RABGAP1L: variants seen among roughly 807,000 people sequenced by gnomAD.
The protein encoded by RABGAP1L is rab GTPase-activating protein 1-like.
Under a neutral mutation model 137.7 loss-of-function variants are expected in RABGAP1L, and 63 were observed. The observed-to-expected ratio is 0.46, with a 90% CI of 0.37 to 0.56. The LOEUF (loss-of-function observed/expected upper bound fraction) is 0.56. Among genes scored for constraint, RABGAP1L ranks in the 20% least tolerant of loss-of-function variants. The probability of loss-of-function intolerance (pLI) is 0.00; values close to 1 mark genes in which losing one functional copy is unlikely to be tolerated. For synonymous variants in RABGAP1L, 431 were observed against 433.7 expected, an observed-to-expected ratio of 0.99 and a Z score of 0.08; for missense variants, 1,095 against 1,244.0, an observed-to-expected ratio of 0.88 and a Z score of 1.80.
intron 13 of RABGAP1L, among the ~76,000 whole-genome samples, chr1:174,619,295 A>C (rs536154808): frequency 6.6e-6 from 1 of 152,320 alleles, no homozygotes; most frequent in South Asian, 2.1e-4. Flanking sequence ...AGAATGCCAC[A>C]AAGATACTCC....
At chr1:174,295,064 G>A (rs1676991333) in intron 10 of RABGAP1L, among the ~76,000 whole-genome samples, 1 of 151,924 alleles carries the variant, frequency 6.6e-6, no homozygotes, top group Admixed American at 6.6e-5. Context: ...GACTACAGGT[G>A]CGTGCCACCA....
chr1:174,672,073 A>G (rs1020449807), intron 14 of RABGAP1L, among the ~76,000 whole-genome samples: 6 of 152,078 alleles, frequency 3.9e-5, no homozygotes, highest in African/African-American at 7.2e-5. Flanking sequence ...TTGCATATGT[A>G]CACAGATTTA....
intron 13 of RABGAP1L, among the ~76,000 whole-genome samples, chr1:174,417,453 C>T (rs1650735379): frequency 6.6e-6 from 1 of 152,150 alleles, no homozygotes; most frequent in Non-Finnish European, 1.5e-5. Flanking sequence ...TAGGTAGATG[C>T]AGTTCTACTG....
intron 12 of RABGAP1L, among the ~76,000 whole-genome samples, chr1:174,383,499 G>A (rs894789993): frequency 2.6e-5 from 4 of 152,330 alleles, no homozygotes; most frequent in East Asian, 1.9e-4. Context: ...GTGGTGCGCC[G>A]TTTTTTAAGC....
chr1:174,556,997 A>G (rs951289606), intron 13 of RABGAP1L, among the ~76,000 whole-genome samples: 3 of 152,162 alleles, frequency 2.0e-5, no homozygotes, highest in African/African-American at 2.4e-5. Context: ...TATCTCATCT[A>G]TATATACTCT....
intron 13 of RABGAP1L, among the ~76,000 whole-genome samples, chr1:174,449,588 G>A (rs1031064358): frequency 6.6e-6 from 1 of 152,184 alleles, no homozygotes; most frequent in African/African-American, 2.4e-5. Context: ...CTTTGTGGAA[G>A]TTATTACTTA....
intron 11 of RABGAP1L, among the ~76,000 whole-genome samples, chr1:174,345,003 T>C (rs966007827): frequency 6.6e-6 from 1 of 152,204 alleles, no homozygotes; most frequent in Non-Finnish European, 1.5e-5. Context: ...CCTCTGCATA[T>C]GGATATTCAA....
chr1:174,225,964 T>C (rs944380705), intron 3 of RABGAP1L, among the ~76,000 whole-genome samples: 1 of 152,108 alleles, frequency 6.6e-6, no homozygotes, highest in Non-Finnish European at 1.5e-5. Context: ...ATGCTTACAG[T>C]ACCACCGCGA....
At chr1:174,262,121 C>G (rs1673626214) in intron 7 of RABGAP1L, among the ~76,000 whole-genome samples, 1 of 152,136 alleles carries the variant, frequency 6.6e-6, no homozygotes, top group South Asian at 2.1e-4. Flanking sequence ...TTAATGATTT[C>G]ATGTGACAAT....
intron 1 of RABGAP1L, among the ~76,000 whole-genome samples, chr1:174,183,425 G>T (rs907716612): frequency 6.6e-6 from 1 of 152,026 alleles, no homozygotes; most frequent in Non-Finnish European, 1.5e-5. Flanking sequence ...TGTGCGAGCC[G>T]CTGTAACCGG....
At chr1:174,420,970 T>C (rs1485186234) in intron 13 of RABGAP1L, among the ~76,000 whole-genome samples, 1 of 152,062 alleles carries the variant, frequency 6.6e-6, no homozygotes, top group Admixed American at 6.5e-5. Context: ...CCACCGCGCC[T>C]GGCTGGATTC....
At chr1:174,486,741 A>T (rs1450846359) in intron 13 of RABGAP1L, among the ~76,000 whole-genome samples, 1 of 152,096 alleles carries the variant, frequency 6.6e-6, no homozygotes, top group Non-Finnish European at 1.5e-5. Context: ...GGTTGTTTAT[A>T]TGAAGTTTTT....
chr1:174,761,962 G>A lies in RABGAP1L; in HGVS notation c.2211+9608G>A, dbSNP rs1016456017. Among the ~76,000 whole-genome samples, 1 of 152,098 alleles carries A rather than the reference G, an allele frequency of 6.6e-6. No individual in the cohort carries two copies. Among genetic ancestry groups the A allele is most frequent in the Non-Finnish European group, 1.5e-5 (1 of 68,014 alleles). ...AGTACCGCAGGGTGATGGGAGTTATGGGTAGGTTGCAATGTTAAATAGGGT... is the reference window on the plus strand; with the variant it reads ...AGTACCGCAGGGTGATGGGAGTTATAGGTAGGTTGCAATGTTAAATAGGGT... On this transcript the variant is annotated intron_variant, in intron 18 of 25. Coordinates refer to ENST00000681986, the MANE Select transcript of RABGAP1L (RefSeq NM_001366446.1). This position sits in a 1 kb window ranked among gnomAD's most constrained non-coding sequence, Gnocchi z 4.0.
chr1:174,232,776 T>G (rs72711500), intron 4 of RABGAP1L, among the ~76,000 whole-genome samples: 2 of 146,494 alleles, frequency 1.4e-5, no homozygotes, highest in Non-Finnish European at 3.1e-5. Flanking sequence ...AAAAAAAAAA[T>G]AAGTCAGATA....
intron 13 of RABGAP1L, among the ~76,000 whole-genome samples, chr1:174,434,106 CAT>C (rs1446446102): frequency 1.7e-3 from 234 of 135,028 alleles, no homozygotes; most frequent in African/African-American, 6.9e-3. Context: ...TGCGTGTACA[CAT>C]ACACACACAC....
At chr1:174,213,156 G>C (rs535087949) in intron 1 of RABGAP1L, among the ~76,000 whole-genome samples, 10 of 152,212 alleles carry the variant, frequency 6.6e-5, no homozygotes, top group Admixed American at 1.3e-4. Flanking sequence ...TGGGCATGGT[G>C]GCTCATGCCT....
At chr1:174,444,146 T>C (rs1228074317) in intron 13 of RABGAP1L, among the ~76,000 whole-genome samples, 1 of 152,068 alleles carries the variant, frequency 6.6e-6, no homozygotes, top group Non-Finnish European at 1.5e-5. Flanking sequence ...TAGGATTGCC[T>C]TAGCTATTCA....
rs1683051727 is a variant in RABGAP1L, at chr1:174,350,513, C to T, written c.1466-20466C>T. On this transcript the variant is annotated intron_variant, in intron 11 of 25. Coordinates refer to ENST00000681986, the MANE Select transcript of RABGAP1L (RefSeq NM_001366446.1). Reference sequence around the variant, plus strand: ...CGATGGGCTGCCGGGCAGAGACGCTCCTCACTTCCTAGATGTGATGGCGGC... The same window carrying T: ...CGATGGGCTGCCGGGCAGAGACGCTTCTCACTTCCTAGATGTGATGGCGGC... 5.8e-5 allele frequency among the ~76,000 whole-genome samples: 8 copies of T among 138,892 alleles called. No homozygotes were observed. In the South Asian group the frequency reaches 2.1e-3, roughly 36 times the overall value. The allele number at this position is 138,892 out of a possible 152,430, so 91.1% of individuals were successfully genotyped here.
chr1:174,278,762 T>C lies in RABGAP1L; in HGVS notation c.1306T>C (p.Phe436Leu). ...FSRKTFTETF[F>L]MRLKQSEGKG... ...CAGAAAGACTTTCACAGAGACTTTCTTCATGAGATTGAAACAGGTAGGACC... is the reference window on the plus strand; with the variant it reads ...CAGAAAGACTTTCACAGAGACTTTCCTCATGAGATTGAAACAGGTAGGACC... The change falls in exon 10 of 26, where the codon TTC (phenylalanine) becomes CTC (leucine). Residue 436 changes from phenylalanine to leucine, a missense_variant. Phe to Leu is a conservative substitution (Grantham distance 22). This residue lies in a region of RABGAP1L where 315 missense variants were observed against 324.8 expected (regional missense o/e 0.97). Transcript: ENST00000681986. The C allele has an allele frequency of 6.4e-7, 1 of 1,569,562 alleles. No homozygotes were observed. Among genetic ancestry groups the C allele is most frequent in the African/African-American group, 1.4e-5 (1 of 72,282 alleles).
Sources: gnomAD v4.1 joint callset for allele counts (sites outside exome capture counted in the v4.1 genomes callset) on GRCh38, gnomAD v4.1.1 for gene constraint, gnomAD v4.1.1 regional missense constraint, Gnocchi (gnomAD v3.1) non-coding constraint, MANE v1.5 for transcripts, NCBI Gene and HGNC (gene_info 2026-07-23, HGNC 2026-07-21) for gene names.